WDR12: variants seen among roughly 807,000 people sequenced by gnomAD.
WDR12 encodes the protein WD repeat domain 12.
A neutral mutation model predicts 64.3 loss-of-function variants in WDR12; 42 were observed. That is an observed-to-expected ratio of 0.65 (90% CI 0.51 to 0.84). WDR12 has a LOEUF of 0.84. Ranked by LOEUF, WDR12 falls within the 40% of genes least tolerant of loss-of-function variation. WDR12 has a pLI of 0.00. For missense variants in WDR12, 469 were observed against 494.6 expected, an observed-to-expected ratio of 0.95 and a Z score of 0.49; for synonymous variants, 158 against 173.3, an observed-to-expected ratio of 0.91 and a Z score of 0.70.
At chr2:202,890,931 T>G (rs1300719049) in intron 8 of WDR12, among the ~76,000 whole-genome samples, 3 of 149,914 alleles carry the variant, frequency 2.0e-5, no homozygotes, top group Non-Finnish European at 4.4e-5. Flanking sequence ...GAGTTTGAGG[T>G]TATAGTGAGC....
At chr2:202,891,468 T>A (rs1338911086) in intron 8 of WDR12, among the ~76,000 whole-genome samples, 1 of 152,222 alleles carries the variant, frequency 6.6e-6, no homozygotes. Flanking sequence ...TAGCTTTAAT[T>A]TAGCCTACCA....
chr2:202,884,191 G>T lies in WDR12; in HGVS notation c.988+7C>A, dbSNP rs980854767. The T allele has an allele frequency of 4.5e-5, 72 of 1,609,980 alleles. No individual in the cohort carries two copies. The highest frequency in any genetic ancestry group is 8.3e-5 in the Admixed American group (5 of 59,956). ...CATATATTCCCCCAGTGGTTTACAT[G>T]ACTCACCTTTAGTTCGGGGATCCCA... is the stretch of plus-strand genomic sequence containing the variant. On this transcript the variant is annotated splice_region_variant and intron_variant, in intron 10 of 12. Transcript: ENST00000261015.
chr2:202,887,858 G>A (rs1406901108), intron 8 of WDR12, among the ~76,000 whole-genome samples: 2 of 142,418 alleles, frequency 1.4e-5, no homozygotes, highest in Non-Finnish European at 3.0e-5. Context: ...ACTGCAGTCC[G>A]CAGTCCGACC....
chr2:202,896,337 T>C, intron 5 of WDR12, 118 bp from the exon 6 acceptor site: 1 of 1,142,496 alleles, frequency 8.8e-7, no homozygotes, highest in Non-Finnish European at 1.2e-6. Flanking sequence ...GTTAAAAAGA[T>C]AACTCATATG....
chr2:202,903,005 G>C (rs1688377092), intron 2 of WDR12, among the ~76,000 whole-genome samples: 1 of 152,080 alleles, frequency 6.6e-6, no homozygotes, highest in East Asian at 1.9e-4. Flanking sequence ...CTTGAACCCG[G>C]GAGGTGGAGG....
chr2:202,893,158 A>C (rs1295956635), intron 7 of WDR12, among the ~76,000 whole-genome samples: 1 of 152,162 alleles, frequency 6.6e-6, no homozygotes, highest in Admixed American at 6.5e-5. Flanking sequence ...GGTTTTTTTG[A>C]GTTTTTAAAA....
intron 1 of WDR12, among the ~76,000 whole-genome samples, chr2:202,910,218 A>G (rs1405897308): frequency 1.3e-5 from 2 of 152,112 alleles, no homozygotes; most frequent in Non-Finnish European, 1.5e-5. Context: ...TTACAACTTC[A>G]TGTGAATCAA....
intron 8 of WDR12, among the ~76,000 whole-genome samples, chr2:202,889,403 C>T (rs985529887): frequency 6.6e-6 from 1 of 152,084 alleles, no homozygotes; most frequent in African/African-American, 2.4e-5. Context: ...ATAGAGCCAA[C>T]ACTTTTAAAA....
intron 8 of WDR12, among the ~76,000 whole-genome samples, chr2:202,889,211 T>C (rs894668800): frequency 1.3e-5 from 2 of 152,200 alleles, no homozygotes; most frequent in Admixed American, 1.3e-4. Flanking sequence ...AAATGAACTA[T>C]GGGAGCAAGC....
At position 202,884,388 on chromosome 2, in the gene WDR12, G is replaced by A; in HGVS notation, c.882+7C>T. On this transcript the variant is annotated splice_region_variant and intron_variant, in intron 9 of 12. Transcript: ENST00000261015. Reference sequence around the variant, plus strand: ...TATCACTTAAAAGAACACTGAATTTGTCTTACCAAAGTTGACTTAAGACTG... The same window carrying A: ...TATCACTTAAAAGAACACTGAATTTATCTTACCAAAGTTGACTTAAGACTG... The A allele has an allele frequency of 6.2e-7, 1 of 1,613,948 alleles. No homozygotes were observed. Among genetic ancestry groups the A allele is most frequent in the South Asian group, 1.1e-5 (1 of 90,992 alleles).
chr2:202,886,223 G>A (rs1335478757), intron 8 of WDR12, among the ~76,000 whole-genome samples: 1 of 151,478 alleles, frequency 6.6e-6, no homozygotes, highest in Admixed American at 6.6e-5. Flanking sequence ...TTGGGAGGCC[G>A]AGGTGGGTGG....
intron 2 of WDR12, among the ~76,000 whole-genome samples, chr2:202,906,021 A>G (rs1399680050): frequency 4.6e-5 from 7 of 152,218 alleles, no homozygotes. Context: ...AACGAAGAGT[A>G]TAATTGGATT....
rs992145541 is a variant in WDR12 at position 202,874,411 on chromosome 2, T to A, written c.*6449A>T. Among the ~76,000 whole-genome samples, 2 of 152,204 alleles carry A rather than the reference T, an allele frequency of 1.3e-5. No individual in the cohort carries two copies. The highest frequency in any genetic ancestry group is 4.8e-5 in the African/African-American group (2 of 41,454). The stretch of plus-strand genomic sequence containing the variant: ...AAGCTAACTAGACAAGAACATTAGA[T>A]GACTTGGAATGTAGGGCTCCACAAA... On this transcript the variant is annotated 3_prime_UTR_variant, in exon 13 of 13. Coordinates refer to ENST00000261015, the MANE Select transcript of WDR12 (RefSeq NM_018256.4).
intron 2 of WDR12, among the ~76,000 whole-genome samples, chr2:202,902,352 G>C (rs990868417): frequency 6.6e-6 from 1 of 152,192 alleles, no homozygotes; most frequent in African/African-American, 2.4e-5. Context: ...TTAACACTGA[G>C]TGTCAACTTG....
chr2:202,901,160 A>G, intron 2 of WDR12, 41 bp from the exon 3 acceptor site: 2 of 1,497,702 alleles, frequency 1.3e-6, no homozygotes, highest in South Asian at 1.3e-5. Flanking sequence ...CTTAGTGTCT[A>G]AAGTAATATT....
rs1397127390 is a variant in WDR12 at position 202,875,548 on chromosome 2, C to T, written c.*5312G>A. 1 of 152,112 alleles carries T rather than the reference C, an allele frequency of 6.6e-6. No homozygotes were observed. The highest frequency in any genetic ancestry group is 6.6e-5 in the Admixed American group (1 of 15,256). The allele number at this position is 152,112 out of a possible 1,614,324, so 9.4% of individuals were successfully genotyped here. On this transcript the variant is annotated 3_prime_UTR_variant, in exon 13 of 13. Transcript: ENST00000261015. ...GGATTACAGGCATGTGCCACTATGA[C>T]TGGCTAATTTTGTATTTTTAGTAGA...
intron 4 of WDR12, among the ~76,000 whole-genome samples, chr2:202,897,908 A>AAAAAAAAAC (rs1466552102): frequency 2.5e-5 from 1 of 40,054 alleles, no homozygotes; most frequent in Non-Finnish European, 5.0e-5. Flanking sequence ...AAAAAAAAAA[A>AAAAAAAAAC]ATATATATAT....
intron 8 of WDR12, among the ~76,000 whole-genome samples, chr2:202,891,353 T>C (rs1472327485): frequency 5.3e-5 from 8 of 152,142 alleles, no homozygotes; most frequent in Non-Finnish European, 4.4e-5. Context: ...TATCACCATG[T>C]TGCCCAGGCT....
rs866347886 is a variant in WDR12 at position 202,885,202 on chromosome 2, G to A, written c.742-667C>T. On this transcript the variant is annotated intron_variant, in intron 8 of 12. Transcript: ENST00000261015. Reference sequence around the variant, plus strand: ...GGCATATGCAGTTAACACTCCATTTGCCCCTGGCAGCTTTCTTGAGCCTTG... The same window carrying A: ...GGCATATGCAGTTAACACTCCATTTACCCCTGGCAGCTTTCTTGAGCCTTG... Among the ~76,000 whole-genome samples the A allele has an allele frequency of 4.6e-5, 7 of 152,282 alleles. No individual in the cohort carries two copies. In the South Asian group the frequency reaches 1.4e-3, roughly 32 times the overall value.
Sources: allele counts gnomAD v4.1 joint callset (sites outside exome capture counted in the v4.1 genomes callset), GRCh38; gene constraint gnomAD v4.1.1; transcripts MANE v1.5; gene names NCBI Gene and HGNC (gene_info 2026-07-23, HGNC 2026-07-21).